Variants in BCCIP observed in about 807,000 individuals in gnomAD.
BCCIP encodes BRCA2 and CDKN1A-interacting protein.
A neutral mutation model predicts 32.8 loss-of-function variants in BCCIP; 23 were observed. That is an observed-to-expected ratio of 0.70 (90% CI 0.51 to 0.99). BCCIP has a LOEUF of 0.99. BCCIP is among the 50% of genes least tolerant of loss of function. The pLI, the probability that BCCIP is intolerant of heterozygous loss-of-function variation, is 0.00. For missense variants in BCCIP, 378 were observed against 379.8 expected (o/e 1.00, Z 0.04); for synonymous variants, 144 against 137.6 (o/e 1.05, Z -0.33).
chr10:125,849,053 G>A lies in BCCIP; in HGVS notation c.851-4072G>A, dbSNP rs1355709950. ...CATCTACCCCAGTTTACCCAGGGCAGTATCTGTTTCCACCTTTCATCCCAG... is the reference window on the plus strand; with the variant it reads ...CATCTACCCCAGTTTACCCAGGGCAATATCTGTTTCCACCTTTCATCCCAG... On this transcript the variant is annotated intron_variant, in intron 7 of 7. Transcript: ENST00000368759. Among the ~76,000 whole-genome samples, 8 of 152,180 alleles carry A rather than the reference G, an allele frequency of 5.3e-5. No individual in the cohort carries two copies. In the East Asian group the frequency reaches 1.3e-3, roughly 26 times the overall value.
chr10:125,850,839 G>A (rs1296978660), intron 7 of BCCIP, among the ~76,000 whole-genome samples: 1 of 152,170 alleles, frequency 6.6e-6, no homozygotes, highest in Non-Finnish European at 1.5e-5. Flanking sequence ...ATGACCTCTG[G>A]TGTAGTCTGG....
chr10:125,845,780 G>A (rs948560848), downstream of BCCIP, among the ~76,000 whole-genome samples: 2 of 152,220 alleles, frequency 1.3e-5, no homozygotes, highest in East Asian at 3.9e-4. Context: ...CAGGGCTCTC[G>A]GGTAATGGCA....
At chr10:125,840,625 ACAGGCCCGCCATGGTGGCACAC>A (rs1288529225), downstream of BCCIP, among the ~76,000 whole-genome samples, 1 of 152,250 alleles carries the variant, frequency 6.6e-6, no homozygotes, top group African/African-American at 2.4e-5. Context: ...CTCTGGAAGT[ACAGGCCCGCCATGGTGGCACAC>A]CAGAGCTCCG....
At chr10:125,832,146 C>T (rs1230309064) in intron 5 of BCCIP, among the ~76,000 whole-genome samples, 1 of 152,024 alleles carries the variant, frequency 6.6e-6, no homozygotes, top group Non-Finnish European at 1.5e-5. Flanking sequence ...ATTGTCTGTG[C>T]TTTGCAACAG....
chr10:125,844,498 A>G (rs1331886540), downstream of BCCIP, among the ~76,000 whole-genome samples: 2 of 152,242 alleles, frequency 1.3e-5, no homozygotes, highest in Non-Finnish European at 2.9e-5. Context: ...TACAACAGAA[A>G]AGGAGAGGAT....
downstream of BCCIP, chr10:125,836,919 T>C (rs1459904653): frequency 9.0e-6 from 13 of 1,441,504 alleles, no homozygotes; most frequent in Non-Finnish European, 1.3e-5. Context: ...CACCAAACAT[T>C]ATGTCTGGGC....
downstream of BCCIP, chr10:125,841,096 C>G (rs1308333968): frequency 2.0e-5 from 29 of 1,418,748 alleles, no homozygotes; most frequent in Non-Finnish European, 2.8e-5. Context: ...TGGCATGGCT[C>G]CTGTCTTGGT....
In BCCIP at chr10:125,833,958, C is replaced by T. The variant is rs1230714955; in HGVS notation, c.774+12C>T. ...AATTTTTCTATGAGGTAAGACTATC[C>T]TGCTTATTTGTTTAGATGTAAATAA... is the stretch of plus-strand genomic sequence containing the variant. On this transcript the variant is annotated intron_variant, in intron 6 of 6. Transcript: ENST00000278100. 1 of 1,612,126 alleles carries T rather than the reference C, an allele frequency of 6.2e-7. No homozygotes were observed. The highest frequency in any genetic ancestry group is 1.1e-5 in the South Asian group (1 of 90,864).
chr10:125,831,629 T>C (rs1490583921), intron 5 of BCCIP, 22 bp downstream of exon 5: 1 of 1,582,594 alleles, frequency 6.3e-7, no homozygotes, highest in Non-Finnish European at 8.6e-7. Flanking sequence ...TGGGAAAATA[T>C]CTTTGAACAG....
intron 6 of BCCIP, among the ~76,000 whole-genome samples, chr10:125,834,852 G>A (rs1282313965): frequency 1.3e-5 from 2 of 150,228 alleles, no homozygotes; most frequent in Non-Finnish European, 3.0e-5. Flanking sequence ...AACATCTTGA[G>A]CCAGGCACGG....
chr10:125,838,281 T>G (rs1003925356), downstream of BCCIP: 2 of 1,613,990 alleles, frequency 1.2e-6, no homozygotes, highest in East Asian at 4.5e-5. Flanking sequence ...GAGGACCCAC[T>G]CTGGCATCTT....
In BCCIP at chr10:125,831,582, G is replaced by A. The variant is rs777411270; in HGVS notation, c.574G>A (p.Ala192Thr). The A allele has an allele frequency of 3.1e-6, 5 of 1,613,416 alleles. No homozygotes were observed. Among genetic ancestry groups the A allele is most frequent in the African/African-American group, 1.3e-5 (1 of 74,876 alleles). Residue 192 changes from alanine to threonine, a missense_variant, in exon 5 of 7, where the codon GCT (alanine) becomes ACT (threonine). By Grantham distance (58) the Ala-to-Thr change is moderately conservative. Transcript: ENST00000278100. ...ERFINVPPQI[A>T]LPMYQQLQKE... Reference sequence around the variant, plus strand: ...ATTCATTAATGTCCCTCCACAGATCGCTCTGCCCATGTACCAGCAGCTTCA... The same window carrying A: ...ATTCATTAATGTCCCTCCACAGATCACTCTGCCCATGTACCAGCAGCTTCA...
downstream of BCCIP, among the ~76,000 whole-genome samples, chr10:125,839,713 A>T (rs186300276): frequency 1.3e-5 from 2 of 152,212 alleles, no homozygotes; most frequent in East Asian, 3.8e-4. Context: ...AAGCTCATCT[A>T]TCTACCCTAG....
At chr10:125,830,326 G>A (rs1001245889) in intron 3 of BCCIP, among the ~76,000 whole-genome samples, 1 of 152,182 alleles carries the variant, frequency 6.6e-6, no homozygotes, top group South Asian at 2.1e-4. Context: ...GAACAGAGTC[G>A]AGGTAAAGCG....
chr10:125,836,377 T>C lies in BCCIP; in HGVS notation c.*103T>C. 1 of 1,563,848 alleles carries C rather than the reference T, an allele frequency of 6.4e-7. No individual in the cohort carries two copies. The highest frequency in any genetic ancestry group is 8.6e-7 in the Non-Finnish European group (1 of 1,158,106). ...AGACTTTATTCAGATTAAGTTCCTC[T>C]ACAAAAAGTAGGGTTCTGTCCCATG... On this transcript the variant is annotated 3_prime_UTR_variant, in exon 7 of 7. Transcript: ENST00000278100.
chr10:125,836,725 T>C, downstream of BCCIP: 1 of 1,614,216 alleles, frequency 6.2e-7, no homozygotes. Flanking sequence ...TCAGGGCACG[T>C]CTCACACATT....
At chr10:125,838,077 A>G (rs888125565), downstream of BCCIP, 12 of 804,472 alleles carry the variant, frequency 1.5e-5, no homozygotes, top group Non-Finnish European at 2.1e-5. Context: ...CTTAGTAGGT[A>G]CTGTCAACGT....
At chr10:125,826,353 A>T (rs1854388636) in intron 1 of BCCIP, 1 of 547,626 alleles carries the variant, frequency 1.8e-6, no homozygotes, top group Non-Finnish European at 2.9e-6. Flanking sequence ...CCTTGTAATC[A>T]GGAAAATAAT....
downstream of BCCIP, chr10:125,836,575 A>G (rs1854692175): frequency 1.4e-6 from 2 of 1,411,386 alleles, no homozygotes; most frequent in South Asian, 1.5e-5. Context: ...ATTTTCTTCA[A>G]GACCGTCCTG....
Sources: allele counts gnomAD v4.1 joint callset (sites outside exome capture counted in the v4.1 genomes callset), GRCh38; gene constraint gnomAD v4.1.1; transcripts MANE v1.5; gene names NCBI Gene and HGNC (gene_info 2026-07-23, HGNC 2026-07-21).